Variants in POLK observed in about 807,000 individuals in gnomAD.
POLK encodes the protein polymerase (DNA directed) kappa.
In POLK, 76 loss-of-function variants were observed where a neutral mutation model predicts 94.0. The ratio of observed to expected loss-of-function variants is 0.81; its 90% CI spans 0.67 to 0.98. The LOEUF (loss-of-function observed/expected upper bound fraction) is 0.98, where lower values mean the gene tolerates loss of function less well. Among genes scored for constraint, POLK ranks in the 50% least tolerant of loss-of-function variants. POLK has a pLI of 0.00. For missense variants in POLK, 954 were observed against 1,010.1 expected, an observed-to-expected ratio of 0.94 and a Z score of 0.75; for synonymous variants, 349 against 325.4, an observed-to-expected ratio of 1.07 and a Z score of -0.78.
chr5:75,596,699 T>A, exon 13 of POLK: 1 of 1,613,958 alleles, frequency 6.2e-7, no homozygotes, highest in Middle Eastern at 1.6e-4. Flanking sequence ...GCTACCAAAG[T>A]TAACAAGAAA....
chr5:75,597,215 A>G (rs771986025), intron 13 of POLK, 37 bp downstream of exon 13: 1 of 981,996 alleles, frequency 1.0e-6, no homozygotes, highest in Non-Finnish European at 1.6e-6. Context: ...ATGATTTTCT[A>G]GGAATATGTA....
chr5:75,549,087 T>C (rs1770201696), intron 2 of POLK, among the ~76,000 whole-genome samples: 1 of 151,958 alleles, frequency 6.6e-6, no homozygotes, highest in South Asian at 2.1e-4. Flanking sequence ...TAAATCTGAG[T>C]GATAGTTTTA....
At chr5:75,571,421 T>G (rs185420263) in intron 4 of POLK, among the ~76,000 whole-genome samples, 4 of 152,274 alleles carry the variant, frequency 2.6e-5, no homozygotes, top group Admixed American at 2.6e-4. Flanking sequence ...CCCCAGTATT[T>G]AGTGGACAGC....
chr5:75,569,867 A>G (rs1166765795), intron 4 of POLK, among the ~76,000 whole-genome samples: 1 of 152,196 alleles, frequency 6.6e-6, no homozygotes, highest in Non-Finnish European at 1.5e-5. Flanking sequence ...TGTGAACTGC[A>G]CATGTGAGGG....
chr5:75,607,638 G>A, the POLK span, among the ~76,000 whole-genome samples: 1 of 152,148 alleles, frequency 6.6e-6, no homozygotes, highest in Admixed American at 6.5e-5. Context: ...ACAGGGGGAT[G>A]GTAGAGTAGT....
At chr5:75,540,631 T>C (rs1359975628) in intron 1 of POLK, among the ~76,000 whole-genome samples, 2 of 152,132 alleles carry the variant, frequency 1.3e-5, no homozygotes, top group African/African-American at 4.8e-5. Context: ...TATTCTAGAT[T>C]GTAGAGCTTA....
chr5:75,608,634 G>A, the POLK span, among the ~76,000 whole-genome samples: 29 of 152,194 alleles, frequency 1.9e-4, no homozygotes, highest in Non-Finnish European at 3.2e-4. Flanking sequence ...ATGAAGGTAG[G>A]GGACACTTTT....
At chr5:75,576,694 A>T (rs1321021459) in intron 5 of POLK, 86 bp from the exon 6 acceptor site, 1 of 582,444 alleles carries the variant, frequency 1.7e-6, no homozygotes, top group East Asian at 3.2e-5. Context: ...GCAAACTAAG[A>T]ATATTAACAT....
chr5:75,528,377 A>G (rs951698028), intron 1 of POLK, among the ~76,000 whole-genome samples: 1 of 152,152 alleles, frequency 6.6e-6, no homozygotes, highest in Non-Finnish European at 1.5e-5. Context: ...GTATCCCAAA[A>G]TATTATATTA....
the POLK span, among the ~76,000 whole-genome samples, chr5:75,608,197 AT>A: frequency 3.3e-3 from 479 of 145,294 alleles, no homozygotes; most frequent in Non-Finnish European, 4.0e-3. Context: ...AACTTAATTA[AT>A]TTTTTTTTTT....
At chr5:75,593,190 G>A (rs538840640) in intron 11 of POLK, among the ~76,000 whole-genome samples, 4 of 152,112 alleles carry the variant, frequency 2.6e-5, no homozygotes, top group Admixed American at 2.0e-4. Context: ...GGAGTGCAAT[G>A]GTGTGATCTC....
rs1771908293 is a variant in POLK, at chr5:75,576,894, A to T, written c.655A>T (p.Arg219Ter). 6.4e-7 allele frequency: 1 copy of T among 1,569,532 alleles called. No homozygotes were observed. Among genetic ancestry groups the T allele is most frequent in the Admixed American group, 2.0e-5 (1 of 51,014 alleles). The change falls in exon 6 of 15, where the codon AGA becomes TGA. Residue 219 changes from arginine (R) to a stop codon, truncating the protein, a stop_gained. Coordinates refer to ENST00000241436, the Ensembl canonical transcript of POLK. LOFTEE classifies it high-confidence loss of function. ...AAGACAAAATTGGCCTGAGGATAAA[A>T]GAAGGTATTTCATCAAAATGGGAAG...
At chr5:75,589,388 T>TACACAC (rs71600465) in intron 10 of POLK, among the ~76,000 whole-genome samples, 16,105 of 128,104 alleles carry the variant, frequency 0.13, 1,189 homozygotes, top group Admixed American at 0.16. Flanking sequence ...TATACACACA[T>TACACAC]ACACACACAC....
chr5:75,577,376 G>A (rs1771948675), intron 6 of POLK, among the ~76,000 whole-genome samples: 1 of 151,946 alleles, frequency 6.6e-6, no homozygotes, highest in South Asian at 2.1e-4. Flanking sequence ...AATTATTATA[G>A]CAATTATGAC....
At chr5:75,589,501 A>G (rs1248430244) in intron 10 of POLK, among the ~76,000 whole-genome samples, 1 of 150,700 alleles carries the variant, frequency 6.6e-6, no homozygotes, top group African/African-American at 2.5e-5. Flanking sequence ...CCCAGGCTGG[A>G]GTGCAGTGGT....
rs143987285 is a variant in POLK, at chr5:75,568,445, A to T, written c.256-895A>T. ...CCTTGATAGTGGAGGCCGGCCACAA[A>T]AATGGAAGTTAGAAATGAGTATGTC... On this transcript the variant is annotated intron_variant, in intron 3 of 14. Coordinates refer to ENST00000241436, the Ensembl canonical transcript of POLK. Among the ~76,000 whole-genome samples, 5 of 152,288 alleles carry T rather than the reference A, an allele frequency of 3.3e-5. No homozygotes were observed. In the East Asian group the frequency reaches 9.6e-4, roughly 29 times the overall value.
intron 3 of POLK, among the ~76,000 whole-genome samples, chr5:75,565,266 A>G (rs1393884184): frequency 1.3e-5 from 2 of 152,056 alleles, no homozygotes; most frequent in African/African-American, 4.8e-5. Flanking sequence ...TGGTTATTCT[A>G]GTTAGCAGTT....
chr5:75,514,564 T>C (rs1013602066), intron 1 of POLK, among the ~76,000 whole-genome samples: 3 of 152,250 alleles, frequency 2.0e-5, no homozygotes, highest in Admixed American at 6.5e-5. Context: ...AGGTAGACAT[T>C]ATTCTTACTT....
intron 12 of POLK, among the ~76,000 whole-genome samples, chr5:75,594,487 A>G (rs939905051): frequency 6.6e-6 from 1 of 152,230 alleles, no homozygotes; most frequent in African/African-American, 2.4e-5. Context: ...TTTTCCTTAT[A>G]ACTTAATGAA....
Sources: gnomAD v4.1 joint callset for allele counts (sites outside exome capture counted in the v4.1 genomes callset) on GRCh38, gnomAD v4.1.1 for gene constraint, MANE v1.5 for transcripts, NCBI Gene and HGNC (gene_info 2026-07-23, HGNC 2026-07-21) for gene names.